CRHR1: variants seen among roughly 807,000 people sequenced by gnomAD.
CRHR1 encodes the protein corticotropin releasing hormone receptor 1.
CRHR1 carries 28 observed loss-of-function variants against 56.0 expected under a neutral mutation model. The ratio of observed to expected loss-of-function variants is 0.50; its 90% CI spans 0.37 to 0.69. The LOEUF (loss-of-function observed/expected upper bound fraction) is 0.69, where lower values mean the gene tolerates loss of function less well. Ranked by LOEUF, CRHR1 falls within the 30% of genes least tolerant of loss-of-function variation. The pLI is 0.00. For synonymous variants in CRHR1, 195 were observed against 216.5 expected, an observed-to-expected ratio of 0.90 and a Z score of 0.87; for missense variants, 376 against 548.0, an observed-to-expected ratio of 0.69 and a Z score of 3.13.
chr17:45,803,448 G>C (rs1049733233), intron 1 of CRHR1, among the ~76,000 whole-genome samples: 1 of 152,096 alleles, frequency 6.6e-6, no homozygotes, highest in Non-Finnish European at 1.5e-5. Flanking sequence ...GTGCAATGGC[G>C]TGATCTCGGC....
chr17:45,829,191 C>A, intron 4 of CRHR1, 24 bp from the exon 5 acceptor site: 1 of 1,584,496 alleles, frequency 6.3e-7, no homozygotes, highest in Non-Finnish European at 8.7e-7. Flanking sequence ...GAAGGCTCAC[C>A]TCTGCCCCTC....
At chr17:45,817,433 C>T (rs1463308955) in intron 3 of CRHR1, among the ~76,000 whole-genome samples, 4 of 152,170 alleles carry the variant, frequency 2.6e-5, no homozygotes, top group African/African-American at 4.8e-5. Flanking sequence ...CAGGGGTGAG[C>T]CCAGACACCA....
rs757955219 is a variant in CRHR1, at chr17:45,830,179, C to A, written c.520C>A (p.Leu174Ile). 12 of 1,614,162 alleles carry A rather than the reference C, an allele frequency of 7.4e-6. No homozygotes were observed. The highest frequency in any genetic ancestry group is 1.0e-5 in the Non-Finnish European group (12 of 1,180,026). ...CAACGCCACCTGGTTCGTGGTCCAG[C>A]TAACCATGAGCCCCGAGGTCCACCA... Reference protein sequence around the residue: ...LRNATWFVVQLTMSPEVHQSN... With the variant: ...LRNATWFVVQITMSPEVHQSN... Residue 174 changes from leucine to isoleucine, a missense_variant, in exon 6 of 13, where the codon CTA (leucine) becomes ATA (isoleucine). By Grantham distance (5) the Leu-to-Ile change is conservative (BLOSUM62 2). Around this residue, in one of 2 missense-constraint regions of CRHR1, gnomAD observed 369 missense variants for 519.5 expected, o/e 0.71. Coordinates refer to ENST00000314537, the MANE Select transcript of CRHR1 (RefSeq NM_004382.5).
chr17:45,833,693 T>TGGGGGGGGCCCCCC, intron 10 of CRHR1, 21 bp from the exon 11 acceptor site: 2 of 1,571,600 alleles, frequency 1.3e-6, no homozygotes, highest in Non-Finnish European at 1.7e-6. Flanking sequence ...ACTCCGAGCC[T>TGGGGGGGGCCCCCC]CCCCACCCGC....
At chr17:45,829,424 G>A in intron 5 of CRHR1, 103 bp downstream of exon 5, 1 of 1,347,558 alleles carries the variant, frequency 7.4e-7, no homozygotes, top group South Asian at 1.3e-5. Context: ...GGGGTTGCTG[G>A]GAGAGGGTGG....
chr17:45,833,340 G>A (rs747394040), intron 9 of CRHR1, 112 bp from the exon 10 acceptor site: 51 of 1,438,418 alleles, frequency 3.5e-5, no homozygotes, highest in Admixed American at 8.5e-5. Context: ...TCAGAGATGT[G>A]CAGGTGCTCA....
chr17:45,807,169 C>A, intron 2 of CRHR1, 72 bp downstream of exon 2: 1 of 1,380,666 alleles, frequency 7.2e-7, no homozygotes, highest in Non-Finnish European at 1.0e-6. Context: ...TATCCCAGAG[C>A]CTGCACACAG....
chr17:45,803,146 T>C (rs1484705243), intron 1 of CRHR1, among the ~76,000 whole-genome samples: 1 of 150,774 alleles, frequency 6.6e-6, no homozygotes, highest in Non-Finnish European at 1.5e-5. Flanking sequence ...TGACCAGGGG[T>C]GGGGGGTGGC....
Position 45,789,110 on chromosome 17 carries a change from G to A in CRHR1, c.33+4533G>A, listed in dbSNP as rs188620839. Among the ~76,000 whole-genome samples, 21 of 152,250 alleles carry A rather than the reference G, an allele frequency of 1.4e-4. No individual in the cohort carries two copies. In the East Asian group the frequency reaches 2.7e-3, roughly 20 times the overall value. On this transcript the variant is annotated intron_variant, in intron 1 of 12. Transcript: ENST00000314537. ...CCAGTGAAACTCCAGCGCTTTTGCC[G>A]TGTCTGGAGGAGGGCAGGTCACTAA...
intron 2 of CRHR1, among the ~76,000 whole-genome samples, chr17:45,812,373 C>T (rs1396242505): frequency 6.6e-6 from 1 of 152,244 alleles, no homozygotes; most frequent in East Asian, 1.9e-4. Flanking sequence ...CTAACAGCAC[C>T]TCTGCCTTTG....
At position 45,784,707 on chromosome 17, in the gene CRHR1, G is replaced by T; in HGVS notation, c.33+130G>T. 2.1e-6 allele frequency: 2 copies of T among 947,094 alleles called. No individual in the cohort carries two copies. Among genetic ancestry groups the T allele is most frequent in the Non-Finnish European group, 2.9e-6 (2 of 686,638 alleles). 58.7% of individuals were successfully genotyped at this position (947,094 alleles called of 1,614,324 possible). On this transcript the variant is annotated intron_variant, in intron 1 of 12. Transcript: ENST00000314537. The surrounding 1 kb of genome is among the most constrained non-coding windows in gnomAD (Gnocchi z 4.2). ...GCCGTGCTTAGGTCGGGGAAGGCTG[G>T]GCTCCGGGGCAGCCTAACTCTCTGG... is the stretch of plus-strand genomic sequence containing the variant.
At chr17:45,815,126 G>C (rs1014751905) in intron 2 of CRHR1, among the ~76,000 whole-genome samples, 1 of 152,236 alleles carries the variant, frequency 6.6e-6, no homozygotes, top group African/African-American at 2.4e-5. Flanking sequence ...CTAAGGCCTC[G>C]GCCCAGGCCT....
Position 45,833,711 on chromosome 17 carries a change from C to CCCGCA in CRHR1, c.930-3_930-2insCCGCA. 6.2e-7 allele frequency: 1 copy of CCCGCA among 1,610,028 alleles called. No homozygotes were observed. On this transcript the variant is annotated splice_polypyrimidine_tract_variant and splice_region_variant and intron_variant, in intron 10 of 12. Coordinates refer to ENST00000314537, the MANE Select transcript of CRHR1 (RefSeq NM_004382.5). Reference sequence around the variant, plus strand: ...CCGAGCCTCCCCACCCGCCCCACCCCAGGAAGGCTGTGAAAGCCACTCTGG... The same window carrying CCCGCA: ...CCGAGCCTCCCCACCCGCCCCACCCCCCGCAAGGAAGGCTGTGAAAGCCACTCTGG...
intron 1 of CRHR1, among the ~76,000 whole-genome samples, chr17:45,790,617 C>T (rs1454419895): frequency 6.6e-6 from 1 of 152,174 alleles, no homozygotes; most frequent in African/African-American, 2.4e-5. Context: ...GAAGCCTCAG[C>T]GAGGTGCTTT....
chr17:45,805,776 A>C (rs2061708592), intron 1 of CRHR1, among the ~76,000 whole-genome samples: 1 of 152,020 alleles, frequency 6.6e-6, no homozygotes, highest in Non-Finnish European at 1.5e-5. Context: ...CCCCTCACTC[A>C]TGCTTCTTAA....
At chr17:45,792,078 C>T (rs1307269004) in intron 1 of CRHR1, among the ~76,000 whole-genome samples, 1 of 152,118 alleles carries the variant, frequency 6.6e-6, no homozygotes. Flanking sequence ...CTGGGGACCA[C>T]GGGCTTAGCT....
At chr17:45,810,707 C>A (rs2061806699) in intron 2 of CRHR1, among the ~76,000 whole-genome samples, 1 of 152,182 alleles carries the variant, frequency 6.6e-6, no homozygotes. Context: ...GCTGGGAAGG[C>A]AAAAGTGAAG....
At chr17:45,815,892 C>G (rs965521931) in intron 2 of CRHR1, among the ~76,000 whole-genome samples, 1 of 152,134 alleles carries the variant, frequency 6.6e-6, no homozygotes, top group African/African-American at 2.4e-5. Flanking sequence ...ACAAAGTACA[C>G]GTGACGTATG....
At chr17:45,805,173 C>A (rs914362943) in intron 1 of CRHR1, among the ~76,000 whole-genome samples, 5 of 152,110 alleles carry the variant, frequency 3.3e-5, no homozygotes, top group Non-Finnish European at 5.9e-5. Flanking sequence ...CATGGCCCAG[C>A]ACTGTTACTG....
Sources: allele counts gnomAD v4.1 joint callset (sites outside exome capture counted in the v4.1 genomes callset), GRCh38; gene constraint gnomAD v4.1.1; regional missense constraint gnomAD v4.1.1; non-coding constraint Gnocchi (gnomAD v3.1); transcripts MANE v1.5; gene names NCBI Gene and HGNC (gene_info 2026-07-23, HGNC 2026-07-21).